The following DYRK1A variants were observed in gnomAD, a reference collection of about 807,000 sequenced individuals.
DYRK1A encodes the protein dual specificity tyrosine phosphorylation regulated kinase 1A.
In DYRK1A, 9 loss-of-function variants were observed where a neutral mutation model predicts 79.7. The ratio of observed to expected loss-of-function variants is 0.11; its 90% CI spans 0.07 to 0.20. The LOEUF is 0.20. Ranked by LOEUF, DYRK1A falls within the 10% of genes least tolerant of loss-of-function variation. The pLI is 1.00. For missense variants in DYRK1A, 622 were observed against 956.0 expected (o/e 0.65, Z 4.61); for synonymous variants, 349 against 329.7 (o/e 1.06, Z -0.63).
chr21:37,425,871 A>G (rs2050604242), intron 2 of DYRK1A: 1 of 152,254 alleles, frequency 6.6e-6, no homozygotes, highest in Non-Finnish European at 1.5e-5. Flanking sequence ...GATGGACCTG[A>G]GAATAGGAGA....
chr21:37,411,049 T>TAAAA (rs35292922), intron 1 of DYRK1A, among the ~76,000 whole-genome samples: 2,520 of 56,446 alleles, frequency 0.045, 239 homozygotes, highest in East Asian at 0.12. Flanking sequence ...ATTCTGTCTT[T>TAAAA]AAAAAAAAAA....
chr21:37,443,313 C>G (rs1273369271), intron 2 of DYRK1A, among the ~76,000 whole-genome samples: 1 of 152,072 alleles, frequency 6.6e-6, no homozygotes, highest in Non-Finnish European at 1.5e-5. Flanking sequence ...CTGGCCAGTA[C>G]CTGTTTGGGT....
chr21:37,506,588 C>T lies in DYRK1A; in HGVS notation c.1644+365C>T, dbSNP rs376561041. ...TCCCTGGGTCATGATCTGAATGACTCGACTCTGCTTCCTCCCATGATTTTT... is the reference window on the plus strand; with the variant it reads ...TCCCTGGGTCATGATCTGAATGACTTGACTCTGCTTCCTCCCATGATTTTT... On this transcript the variant is annotated intron_variant, in intron 11 of 11. Transcript: ENST00000647188. Among the ~76,000 whole-genome samples, 35 of 152,118 alleles carry T rather than the reference C, an allele frequency of 2.3e-4. 1 individual carries two copies. Among genetic ancestry groups the T allele is most frequent in the Admixed American group, 1.3e-3 (20 of 15,284 alleles).
At chr21:37,449,760 C>A (rs1431388447) in intron 2 of DYRK1A, among the ~76,000 whole-genome samples, 2 of 152,152 alleles carry the variant, frequency 1.3e-5, no homozygotes, top group African/African-American at 4.8e-5. Flanking sequence ...CAATTACTCT[C>A]CACTTTTCCC....
chr21:37,438,529 C>CT (rs138153652), intron 2 of DYRK1A, among the ~76,000 whole-genome samples: 1,611 of 151,986 alleles, frequency 0.011, 29 homozygotes, highest in African/African-American at 0.037. Flanking sequence ...TCAAAGATCA[C>CT]TTTTTTTTGC....
chr21:37,457,037 C>CTTACTTACTTACTTACTTACTTATTTAT (rs1035437095), intron 2 of DYRK1A, among the ~76,000 whole-genome samples: 1 of 59,228 alleles, frequency 1.7e-5, no homozygotes, highest in East Asian at 6.6e-4. Flanking sequence ...TACTTACTTA[C>CTTACTTACTTACTTACTTACTTATTTAT]TTATTTATTT....
chr21:37,442,385 A>G (rs2051134296), intron 2 of DYRK1A, among the ~76,000 whole-genome samples: 1 of 152,116 alleles, frequency 6.6e-6, no homozygotes, highest in African/African-American at 2.4e-5. Flanking sequence ...AATGTCTGTT[A>G]ACTTTTTAAA....
chr21:37,492,275 A>G lies in DYRK1A; in HGVS notation c.925-742A>G, dbSNP rs1601277808. 2.0e-5 allele frequency among the ~76,000 whole-genome samples: 3 copies of G among 152,212 alleles called. No homozygotes were observed. In the East Asian group the frequency reaches 5.8e-4, roughly 29 times the overall value. On this transcript the variant is annotated intron_variant, in intron 7 of 11. Transcript: ENST00000647188. Reference sequence around the variant, plus strand: ...AGTGGGAACCACAGAAAATTTCATGAGCTTTCTGGCTGCATGGTTTGGGTG... The same window carrying G: ...AGTGGGAACCACAGAAAATTTCATGGGCTTTCTGGCTGCATGGTTTGGGTG...
Position 37,366,969 on chromosome 21 carries a change from G to T in DYRK1A, c.-736G>T. On this transcript the variant is annotated 5_prime_UTR_variant, in exon 1 of 12. Transcript: ENST00000647188. ...GTCGGCCTCAGAGAGCGGACACCCCGAGCGGGGGGTGCGGGCGCCGCCGCC... is the reference window on the plus strand; with the variant it reads ...GTCGGCCTCAGAGAGCGGACACCCCTAGCGGGGGGTGCGGGCGCCGCCGCC... The T allele has an allele frequency of 6.3e-6, 1 of 159,734 alleles. No individual in the cohort carries two copies. Among genetic ancestry groups the T allele is most frequent in the South Asian group, 1.4e-4 (1 of 7,102 alleles). The allele number at this position is 159,734 out of a possible 1,614,324, so 9.9% of individuals were successfully genotyped here. A position where few individuals can be genotyped will look rare whatever the true frequency, so the allele number is the denominator to read the frequency against.
At chr21:37,502,867 A>AGT (rs1367568771) in intron 9 of DYRK1A, 2 of 152,196 alleles carry the variant, frequency 1.3e-5, no homozygotes, top group African/African-American at 4.8e-5. Context: ...AGATATTTTC[A>AGT]GTGAATATAG....
At chr21:37,408,078 A>G (rs1234781661) in intron 1 of DYRK1A, among the ~76,000 whole-genome samples, 2 of 152,210 alleles carry the variant, frequency 1.3e-5, no homozygotes, top group Non-Finnish European at 2.9e-5. Context: ...AAAACATTTC[A>G]TGAATAATAG....
intron 2 of DYRK1A, among the ~76,000 whole-genome samples, chr21:37,433,044 A>AAAATATATATATATATAT (rs372461775): frequency 2.1e-5 from 3 of 140,520 alleles, no homozygotes; most frequent in Admixed American, 7.1e-5. Context: ...AGGAATTCTA[A>AAAATATATATATATATAT]ATATATATAT....
intron 3 of DYRK1A, among the ~76,000 whole-genome samples, chr21:37,473,455 T>C (rs924501477): frequency 3.9e-5 from 6 of 152,156 alleles, no homozygotes; most frequent in South Asian, 2.1e-4. Flanking sequence ...CATATATATG[T>C]ATGTGTATGT....
intron 1 of DYRK1A, among the ~76,000 whole-genome samples, chr21:37,386,847 A>G (rs907795654): frequency 7.9e-5 from 12 of 152,314 alleles, no homozygotes; most frequent in African/African-American, 2.9e-4. Context: ...ATTCAGATGC[A>G]ACAGTGCCCA....
At position 37,440,539 on chromosome 21, in the gene DYRK1A, G is replaced by A. The variant is rs147208722; in HGVS notation, c.10+20155G>A. ...GATGATTAATGCTATAATATTCTCCGTAACTATTGTCTTAGCTGTATCAAA... is the reference window on the plus strand; with the variant it reads ...GATGATTAATGCTATAATATTCTCCATAACTATTGTCTTAGCTGTATCAAA... On this transcript the variant is annotated intron_variant, in intron 2 of 11. Coordinates refer to ENST00000647188, the MANE Select transcript of DYRK1A (RefSeq NM_001347721.2). 4.6e-5 allele frequency among the ~76,000 whole-genome samples: 7 copies of A among 152,064 alleles called. No homozygotes were observed. In the East Asian group the frequency reaches 9.7e-4, roughly 21 times the overall value.
At chr21:37,371,674 C>T (rs1320462893) in intron 1 of DYRK1A, among the ~76,000 whole-genome samples, 1 of 152,022 alleles carries the variant, frequency 6.6e-6, no homozygotes, top group Non-Finnish European at 1.5e-5. Flanking sequence ...TGGTTTGGGG[C>T]AGATGCTCAT....
chr21:37,392,528 G>A (rs370945581), intron 1 of DYRK1A, among the ~76,000 whole-genome samples: 8 of 152,276 alleles, frequency 5.3e-5, no homozygotes, highest in African/African-American at 1.7e-4. Context: ...AGGCACCAGC[G>A]GATTCGGTGT....
intron 9 of DYRK1A, among the ~76,000 whole-genome samples, chr21:37,499,247 C>T (rs2053366893): frequency 6.6e-6 from 1 of 151,948 alleles, no homozygotes; most frequent in Non-Finnish European, 1.5e-5. Flanking sequence ...TTTTAGTCTG[C>T]TTTTACAGTT....
At chr21:37,392,534 G>A (rs1413805413) in intron 1 of DYRK1A, among the ~76,000 whole-genome samples, 1 of 152,144 alleles carries the variant, frequency 6.6e-6, no homozygotes, top group Non-Finnish European at 1.5e-5. Flanking sequence ...CAGCGGATTC[G>A]GTGTTTGCCG....
Sources: allele counts gnomAD v4.1 joint callset (sites outside exome capture counted in the v4.1 genomes callset), GRCh38; gene constraint gnomAD v4.1.1; transcripts MANE v1.5; gene names NCBI Gene and HGNC (gene_info 2026-07-23, HGNC 2026-07-21).